Variants in PCDHA6 observed in about 807,000 individuals in gnomAD.
PCDHA6 encodes protocadherin alpha-6.
PCDHA6 carries 55 observed loss-of-function variants against 60.3 expected under a neutral mutation model. The ratio of observed to expected loss-of-function variants is 0.91; its 90% CI spans 0.73 to 1.14. The LOEUF (loss-of-function observed/expected upper bound fraction) is 1.14, where lower values mean the gene tolerates loss of function less well. Ranked by LOEUF, PCDHA6 falls within the 50% of genes most tolerant of loss-of-function variation. PCDHA6 has a pLI of 0.00. For missense variants in PCDHA6, 1,327 were observed against 1,256.5 expected (o/e 1.06, Z -0.85); for synonymous variants, 652 against 557.9 (o/e 1.17, Z -2.38).
chr5:140,829,556 C>G lies in PCDHA6; in HGVS notation c.1465C>G (p.Leu489Val). ...AGACGCGGACGCGCAGGAGAACGCG[C>G]TGGTGTCCTACTCGCTGGTGGAGCG... The part of the protein sequence containing the change: ...ARDADAQENA[L>V]VSYSLVERRV... Residue 489 changes from leucine to valine, a missense_variant, in exon 1 of 4, where the codon CTG becomes GTG. Physicochemically the swap from Leu to Val is conservative, Grantham distance 32. Coordinates refer to ENST00000529310, the MANE Select transcript of PCDHA6 (RefSeq NM_018909.4). 6.2e-7 allele frequency: 1 copy of G among 1,612,808 alleles called. No homozygotes were observed. Among genetic ancestry groups the G allele is most frequent in the Middle Eastern group, 1.9e-4 (1 of 5,152 alleles).
Position 141,010,405 on chromosome 5 carries a change from C to G in PCDHA6, c.*468C>G. On this transcript the variant is annotated 3_prime_UTR_variant, in exon 4 of 4. Transcript: ENST00000529310. ...ATTGGCTGAGACGAGCCAGCTTAGA[C>G]TAATTGGTACAAGGAAGGCAAGAAA... 1 of 1,260,098 alleles carries G rather than the reference C, an allele frequency of 7.9e-7. No homozygotes were observed. Among genetic ancestry groups the G allele is most frequent in the South Asian group, 1.6e-5 (1 of 64,208 alleles). 78.1% of individuals were successfully genotyped at this position (1,260,098 alleles called of 1,614,324 possible). A position where few individuals can be genotyped will look rare whatever the true frequency, so the allele number is the denominator to read the frequency against.
intron 1 of PCDHA6, among the ~76,000 whole-genome samples, chr5:140,971,716 A>G (rs1554233565): frequency 1.3e-5 from 2 of 152,026 alleles, no homozygotes; most frequent in African/African-American, 4.8e-5. Context: ...ATATAGATAT[A>G]TGTATATCAT....
chr5:140,898,056 T>A (rs1330796298), intron 1 of PCDHA6, among the ~76,000 whole-genome samples: 5 of 152,202 alleles, frequency 3.3e-5, no homozygotes, highest in Admixed American at 3.3e-4. Context: ...TTCTTGTAAA[T>A]TTGTTTGAGT....
Position 140,829,351 on chromosome 5 carries a change from C to T in PCDHA6, c.1260C>T (p.Ala420=). The change falls in exon 1 of 4, where the codon GCC becomes GCT. Residue 420 remains alanine (A), a synonymous_variant. Transcript: ENST00000529310. The part of the protein sequence containing the change: ...DSALDRESVS[A]YELVVTARDG... Reference sequence around the variant, plus strand: ...CCCTGGACCGCGAGAGCGTGTCGGCCTATGAGTTGGTGGTAACCGCGCGGG... The same window carrying T: ...CCCTGGACCGCGAGAGCGTGTCGGCTTATGAGTTGGTGGTAACCGCGCGGG... The T allele has an allele frequency of 6.2e-7, 1 of 1,614,246 alleles. No homozygotes were observed. Among genetic ancestry groups the T allele is most frequent in the South Asian group, 1.1e-5 (1 of 91,092 alleles).
chr5:140,980,873 T>C (rs1586863406), intron 2 of PCDHA6, among the ~76,000 whole-genome samples: 1 of 152,338 alleles, frequency 6.6e-6, no homozygotes, highest in East Asian at 1.9e-4. Context: ...TGCTTGGGTG[T>C]TCTCGGTCTT....
chr5:140,863,075 C>A (rs546237964), intron 1 of PCDHA6: 2 of 569,532 alleles, frequency 3.5e-6, no homozygotes, highest in South Asian at 1.4e-5. Context: ...GGGCTCTGCA[C>A]GGGCGAGATC....
chr5:140,968,962 C>T (rs1554231271), intron 1 of PCDHA6: 29 of 1,614,056 alleles, frequency 1.8e-5, no homozygotes, highest in Non-Finnish European at 2.2e-5. Context: ...TCAAGTGCTA[C>T]CGCTACACTG....
At chr5:140,981,332 G>A (rs1407839547) in intron 2 of PCDHA6, among the ~76,000 whole-genome samples, 1 of 152,182 alleles carries the variant, frequency 6.6e-6, no homozygotes, top group Non-Finnish European at 1.5e-5. Context: ...CCAGCACTTT[G>A]GGAGGGTGAG....
At chr5:140,928,056 G>T (rs183490994) in intron 1 of PCDHA6, 1 of 1,614,154 alleles carries the variant, frequency 6.2e-7, no homozygotes, top group Admixed American at 1.7e-5. Flanking sequence ...TTCAGCTGAC[G>T]GCTTCCTTTG....
chr5:140,853,934 C>T (rs2042914376), intron 1 of PCDHA6: 1 of 864,500 alleles, frequency 1.2e-6, no homozygotes, highest in South Asian at 5.2e-5. Context: ...TTTGGGAGGC[C>T]AAGGTGGGAG....
At position 140,853,823 on chromosome 5, in the gene PCDHA6, T is replaced by C. The variant is rs1332082202; in HGVS notation, c.2394+23338T>C. On this transcript the variant is annotated intron_variant, in intron 1 of 3. Transcript: ENST00000529310. ...TAAAGCACACCTGAGATGATTCTCA[T>C]ACAACCGAAATTTTAGATCCATAGC... 6.3e-5 allele frequency: 62 copies of C among 986,786 alleles called. 2 individuals are homozygous for C. The highest frequency in any genetic ancestry group is 7.3e-5 in the Non-Finnish European group (60 of 818,922). The allele number at this position is 986,786 out of a possible 1,614,324, so 61.1% of individuals were successfully genotyped here. A position where few individuals can be genotyped will look rare whatever the true frequency, so the allele number is the denominator to read the frequency against.
At chr5:140,935,520 G>A (rs1404556030) in intron 1 of PCDHA6, among the ~76,000 whole-genome samples, 1 of 152,154 alleles carries the variant, frequency 6.6e-6, no homozygotes, top group Non-Finnish European at 1.5e-5. Context: ...CAGTAGGCAT[G>A]TACAGTCAAA....
At chr5:140,885,176 G>A (rs965470861) in intron 1 of PCDHA6, among the ~76,000 whole-genome samples, 1 of 151,510 alleles carries the variant, frequency 6.6e-6, no homozygotes. Context: ...TGTCCTCTAG[G>A]CACATCAGTG....
intron 1 of PCDHA6, among the ~76,000 whole-genome samples, chr5:140,937,771 G>T (rs558321540): frequency 6.6e-6 from 1 of 151,436 alleles, no homozygotes; most frequent in Non-Finnish European, 1.5e-5. Context: ...AATTAGTCGG[G>T]CGTGGTGGCG....
At chr5:140,838,287 T>TTTTTC (rs2150287312) in intron 1 of PCDHA6, among the ~76,000 whole-genome samples, 2,227 of 150,168 alleles carry the variant, frequency 0.015, 86 homozygotes, top group African/African-American at 0.051. Flanking sequence ...CTAATTTTTT[T>TTTTTC]TTTTTTTTGT....
chr5:140,897,947 T>A (rs1276045551), intron 1 of PCDHA6, among the ~76,000 whole-genome samples: 1 of 152,168 alleles, frequency 6.6e-6, no homozygotes, highest in Non-Finnish European at 1.5e-5. Context: ...CAGTGATGAT[T>A]AGCATTTTTT....
In PCDHA6 at chr5:140,843,230, C is replaced by A. The variant is rs1225755586; in HGVS notation, c.2394+12745C>A. On this transcript the variant is annotated intron_variant, in intron 1 of 3. Transcript: ENST00000529310. ...GGGCGAGATCAGCACCACTCGTGTC[C>A]TGGACGAAGCGGACTCTCCGCGCCA... 4 of 1,596,146 alleles carry A rather than the reference C, an allele frequency of 2.5e-6. 1 individual carries two copies. In the African/African-American group the frequency reaches 5.4e-5, roughly 21 times the overall value.
chr5:140,904,189 C>G (rs1436545458), intron 1 of PCDHA6, among the ~76,000 whole-genome samples: 1 of 151,968 alleles, frequency 6.6e-6, no homozygotes, highest in Non-Finnish European at 1.5e-5. Context: ...CCCCTTCCCA[C>G]CCTTTCCCCC....
chr5:140,924,274 T>C (rs904028474), intron 1 of PCDHA6, among the ~76,000 whole-genome samples: 1 of 152,232 alleles, frequency 6.6e-6, no homozygotes, highest in East Asian at 1.9e-4. Flanking sequence ...TCTGTACTTG[T>C]GACTACCTAA....
Sources: gnomAD v4.1 joint callset for allele counts (sites outside exome capture counted in the v4.1 genomes callset) on GRCh38, gnomAD v4.1.1 for gene constraint, MANE v1.5 for transcripts, NCBI Gene and HGNC (gene_info 2026-07-23, HGNC 2026-07-21) for gene names.